PDE2A: variants seen among roughly 807,000 people sequenced by gnomAD.
The protein encoded by PDE2A is phosphodiesterase 2A.
In PDE2A, 53 loss-of-function variants were observed where a neutral mutation model predicts 133.6. The observed-to-expected ratio is 0.40, with a 90% CI of 0.32 to 0.50. The LOEUF (loss-of-function observed/expected upper bound fraction) is 0.50. Among genes scored for constraint, PDE2A ranks in the 20% least tolerant of loss-of-function variants. The pLI is 0.73. For missense variants in PDE2A, 796 were observed against 1,232.4 expected (o/e 0.65, Z 5.30); for synonymous variants, 491 against 490.2 (o/e 1.00, Z -0.02).
At chr11:72,580,807 C>A in intron 24 of PDE2A, 79 bp downstream of exon 24, 1 of 1,033,486 alleles carries the variant, frequency 9.7e-7, no homozygotes, top group Non-Finnish European at 1.5e-6. Flanking sequence ...CTCGCTCCCA[C>A]CCATCTTCAG....
intron 2 of PDE2A, among the ~76,000 whole-genome samples, chr11:72,631,519 T>C (rs1041984013): frequency 1.3e-5 from 2 of 152,186 alleles, no homozygotes; most frequent in African/African-American, 4.8e-5. Flanking sequence ...ATCCGTAATG[T>C]CCACCTCACA....
At chr11:72,631,208 C>T (rs1694285354) in intron 2 of PDE2A, 4 of 1,276,260 alleles carry the variant, frequency 3.1e-6, no homozygotes, top group East Asian at 2.8e-5. Context: ...GACTGTCCTC[C>T]CATTAGCCCC....
At chr11:72,585,110 T>C (rs1855903065) in intron 16 of PDE2A, 166 bp from the exon 17 acceptor site, 1 of 561,704 alleles carries the variant, frequency 1.8e-6, no homozygotes. Flanking sequence ...CATTCAAGTG[T>C]TTTGTTTTTT....
chr11:72,598,580 C>T (rs1450367799), intron 4 of PDE2A: 1 of 1,289,122 alleles, frequency 7.8e-7, no homozygotes, highest in South Asian at 1.2e-5. Flanking sequence ...GCTGCCTCCA[C>T]TTAATTGTGC....
chr11:72,649,618 T>C (rs1854669127), intron 1 of PDE2A, among the ~76,000 whole-genome samples: 2 of 152,234 alleles, frequency 1.3e-5, no homozygotes, highest in Admixed American at 1.3e-4. Context: ...GGAAGTGGCC[T>C]CCAGACTGCT....
intron 2 of PDE2A, among the ~76,000 whole-genome samples, chr11:72,630,011 C>T (rs1035452733): frequency 1.3e-5 from 2 of 152,142 alleles, no homozygotes; most frequent in African/African-American, 4.8e-5. Context: ...CTCACACACA[C>T]ACACACCCTC....
intron 1 of PDE2A, chr11:72,668,527 A>T (rs1470767417): frequency 7.2e-6 from 5 of 698,406 alleles, no homozygotes; most frequent in Non-Finnish European, 1.3e-5. Flanking sequence ...TCCCTGAGGG[A>T]AGAGGTCGAT....
chr11:72,589,715 T>G, intron 11 of PDE2A, 36 bp downstream of exon 11: 1 of 1,607,594 alleles, frequency 6.2e-7, no homozygotes, highest in Non-Finnish European at 8.5e-7. Context: ...CAACCGCCCC[T>G]GCAGACTCCA....
chr11:72,631,063 C>T, intron 2 of PDE2A: 1 of 1,536,970 alleles, frequency 6.5e-7, no homozygotes, highest in Non-Finnish European at 8.8e-7. Context: ...ACTTCTCCCT[C>T]CACTGAGCTC....
At chr11:72,600,347 A>G (rs1167831714) in intron 4 of PDE2A, among the ~76,000 whole-genome samples, 1 of 152,156 alleles carries the variant, frequency 6.6e-6, no homozygotes, top group Non-Finnish European at 1.5e-5. Context: ...GGATAGACCA[A>G]TCTTGATAAG....
At chr11:72,586,605 T>C (rs1855984886) in intron 13 of PDE2A, among the ~76,000 whole-genome samples, 1 of 152,220 alleles carries the variant, frequency 6.6e-6, no homozygotes, top group Admixed American at 6.5e-5. Flanking sequence ...CCTGATTCGG[T>C]GCCTCCAGAA....
At chr11:72,579,507 T>TACCCCCCC in intron 26 of PDE2A, 27 bp downstream of exon 26, 2 of 1,354,150 alleles carry the variant, frequency 1.5e-6, no homozygotes, top group Non-Finnish European at 2.1e-6. Context: ...TCCCCCTCAA[T>TACCCCCCC]CCCCACCCCA....
intron 2 of PDE2A, among the ~76,000 whole-genome samples, chr11:72,612,274 TCCACACACACACACACACACAC>T (rs1300004330): frequency 1.8e-5 from 2 of 112,822 alleles, no homozygotes; most frequent in African/African-American, 7.6e-5. Flanking sequence ...GCACATCACA[TCCACACACACACACACACACAC>T]ACACACACAC....
At chr11:72,650,019 CTTTTTTT>C (rs746774086) in intron 1 of PDE2A, among the ~76,000 whole-genome samples, 9 of 129,136 alleles carry the variant, frequency 7.0e-5, no homozygotes, top group Admixed American at 5.5e-4. Context: ...AGCCCTGAGA[CTTTTTTT>C]TTTTTTTTTT....
intron 3 of PDE2A, among the ~76,000 whole-genome samples, 158 bp from the exon 4 acceptor site, chr11:72,605,384 G>A (rs1296426115): frequency 6.6e-6 from 1 of 152,180 alleles, no homozygotes; most frequent in Non-Finnish European, 1.5e-5. Flanking sequence ...ATTCTAAGAT[G>A]CAGCCAGGGC....
At chr11:72,580,509 G>A in intron 25 of PDE2A, 68 bp downstream of exon 25, 1 of 1,161,030 alleles carries the variant, frequency 8.6e-7, no homozygotes, top group South Asian at 1.3e-5. Flanking sequence ...AGGAGGAGCT[G>A]GGTCATAACT....
chr11:72,613,753 A>G (rs1857329665), intron 2 of PDE2A, among the ~76,000 whole-genome samples: 1 of 152,192 alleles, frequency 6.6e-6, no homozygotes, highest in Non-Finnish European at 1.5e-5. Flanking sequence ...AAGCGCCCAC[A>G]GAATGGGAAA....
At position 72,580,506 on chromosome 11, in the gene PDE2A, G is replaced by A. The variant is rs564445353; in HGVS notation, c.2181+71C>T. The A allele has an allele frequency of 3.0e-4, 336 of 1,130,292 alleles. 1 individual carries two copies. The South Asian group carries it at 4.3e-3, about 15-fold the overall frequency. The allele number at this position is 1,130,292 out of a possible 1,614,324, so 70.0% of individuals were successfully genotyped here. On this transcript the variant is annotated intron_variant, in intron 25 of 30. Transcript: ENST00000334456. ...AGAGCATGGTTTGGGAATAGGAGGA[G>A]CTGGGTCATAACTTTGCAAGTCACT...
chr11:72,594,264 G>A (rs551033431), intron 6 of PDE2A, among the ~76,000 whole-genome samples: 78 of 152,360 alleles, frequency 5.1e-4, no homozygotes, highest in African/African-American at 1.7e-3. Context: ...GGCTTGTCCA[G>A]GAAGGAGCTG....
Sources: gnomAD v4.1 joint callset for allele counts (sites outside exome capture counted in the v4.1 genomes callset) on GRCh38, gnomAD v4.1.1 for gene constraint, MANE v1.5 for transcripts, NCBI Gene and HGNC (gene_info 2026-07-23, HGNC 2026-07-21) for gene names.